The following MAP4K4 variants were observed in gnomAD, a reference collection of about 807,000 sequenced individuals.
MAP4K4 encodes HPK/GCK-like kinase HGK.
MAP4K4 carries 38 observed loss-of-function variants against 189.6 expected under a neutral mutation model. The observed-to-expected ratio is 0.20, with a 90% CI of 0.15 to 0.26. The LOEUF (loss-of-function observed/expected upper bound fraction) is 0.26. Ranked by LOEUF, MAP4K4 falls within the 10% of genes least tolerant of loss-of-function variation. MAP4K4 has a pLI of 1.00. For synonymous variants in MAP4K4, 610 were observed against 624.3 expected (o/e 0.98, Z 0.34); for missense variants, 1,054 against 1,726.9 (o/e 0.61, Z 6.91).
chr2:101,777,357 CAAG>C (rs2084782329), intron 2 of MAP4K4, among the ~76,000 whole-genome samples: 3 of 152,126 alleles, frequency 2.0e-5, no homozygotes, highest in African/African-American at 4.8e-5. Context: ...CTGCTATTGA[CAAG>C]AAGGAGTGGA....
intron 3 of MAP4K4, among the ~76,000 whole-genome samples, chr2:101,821,077 G>A (rs2096022808): frequency 6.6e-6 from 1 of 151,876 alleles, no homozygotes; most frequent in Admixed American, 6.6e-5. Context: ...GAATTAAGAT[G>A]GTTATCTAGT....
chr2:101,887,343 C>G (rs2098502390), intron 30 of MAP4K4, 106 bp downstream of exon 30: 1 of 1,180,186 alleles, frequency 8.5e-7, no homozygotes, highest in Non-Finnish European at 1.2e-6. Flanking sequence ...TTCATTTCCC[C>G]TTGGTGTGGG....
chr2:101,814,154 C>T (rs1475707149), intron 3 of MAP4K4, among the ~76,000 whole-genome samples: 3 of 152,162 alleles, frequency 2.0e-5, no homozygotes, highest in African/African-American at 7.2e-5. Context: ...GAGTGACCTC[C>T]AGATACATGC....
chr2:101,715,275 C>G (rs1432889984), intron 2 of MAP4K4, among the ~76,000 whole-genome samples: 2 of 152,196 alleles, frequency 1.3e-5, no homozygotes, highest in African/African-American at 4.8e-5. Context: ...TTCACTCTAA[C>G]AGCCTTATTT....
At chr2:101,706,769 G>A (rs2042537471) in intron 2 of MAP4K4, among the ~76,000 whole-genome samples, 1 of 152,106 alleles carries the variant, frequency 6.6e-6, no homozygotes, top group African/African-American at 2.4e-5. Flanking sequence ...TTCCTTTTTG[G>A]TTTACTATCT....
chr2:101,716,550 T>C (rs2048519762), intron 2 of MAP4K4, among the ~76,000 whole-genome samples: 1 of 152,014 alleles, frequency 6.6e-6, no homozygotes, highest in Non-Finnish European at 1.5e-5. Context: ...TCATGGGGTT[T>C]AAAGAAGGCA....
At chr2:101,869,906 A>T (rs567565919) in intron 22 of MAP4K4, 109 bp downstream of exon 22, 132 of 1,387,440 alleles carry the variant, frequency 9.5e-5, no homozygotes, top group Middle Eastern at 2.6e-4. Context: ...AGCACTTACT[A>T]TGTAGTTCTC....
At chr2:101,859,655 C>T (rs773487036) in exon 15 of MAP4K4, 4 of 1,606,418 alleles carry the variant, frequency 2.5e-6, no homozygotes, top group Non-Finnish European at 2.6e-6. Context: ...GTGCCGATGG[C>T]GGGAGATGGA....
intron 5 of MAP4K4, among the ~76,000 whole-genome samples, chr2:101,827,036 A>C (rs921927746): frequency 5.9e-5 from 9 of 152,146 alleles, no homozygotes; most frequent in African/African-American, 2.2e-4. Context: ...TTCAGCCTTC[A>C]AAGACATCAA....
In MAP4K4 at chr2:101,887,346, G is replaced by A. The variant is rs984425199; in HGVS notation, c.3771+109G>A. On this transcript the variant is annotated intron_variant, in intron 30 of 32. Transcript: ENST00000324219. ...CACAAGCAGGGATTCATTTCCCCTT[G>A]GTGTGGGGGTGAGTATTTAAATGAT... The A allele has an allele frequency of 2.7e-6, 3 of 1,092,300 alleles. No homozygotes were observed. In the East Asian group the frequency reaches 7.8e-5, roughly 28 times the overall value. The allele number at this position is 1,092,300 out of a possible 1,614,324, so 67.7% of individuals were successfully genotyped here. A position where few individuals can be genotyped will look rare whatever the true frequency, so the allele number is the denominator to read the frequency against.
At chr2:101,884,522 T>C (rs1291225728) in intron 28 of MAP4K4, among the ~76,000 whole-genome samples, 1 of 152,190 alleles carries the variant, frequency 6.6e-6, no homozygotes, top group Non-Finnish European at 1.5e-5. Context: ...AGCGGTGTGA[T>C]GTTAGCTTGT....
intron 9 of MAP4K4, among the ~76,000 whole-genome samples, chr2:101,837,721 T>C (rs1395028009): frequency 6.6e-6 from 1 of 152,228 alleles, no homozygotes; most frequent in African/African-American, 2.4e-5. Flanking sequence ...TCAGATTTTG[T>C]TGACAGAAGT....
intron 2 of MAP4K4, among the ~76,000 whole-genome samples, chr2:101,738,995 G>A (rs570572509): frequency 2.6e-5 from 4 of 152,192 alleles, no homozygotes; most frequent in African/African-American, 7.2e-5. Context: ...ACTGCTGGCC[G>A]TCATTATTCC....
At chr2:101,875,103 A>T (rs1479651744) in intron 26 of MAP4K4, among the ~76,000 whole-genome samples, 1 of 152,220 alleles carries the variant, frequency 6.6e-6, no homozygotes, top group Non-Finnish European at 1.5e-5. Flanking sequence ...TGTAAAATAG[A>T]ACCTTTGAAA....
At chr2:101,892,845 A>G (rs763291123) in exon 33 of MAP4K4, 7 of 455,274 alleles carry the variant, frequency 1.5e-5, no homozygotes, top group Middle Eastern at 3.3e-4. Flanking sequence ...AGCTCCCGTA[A>G]GGATATTACC....
Position 101,828,629 on chromosome 2 carries a change from C to T in MAP4K4, c.418-875C>T, listed in dbSNP as rs1428550580. On this transcript the variant is annotated intron_variant, in intron 5 of 32. Transcript: ENST00000324219. ...ACAAAGTAATGATAACAATAAAACC[C>T]CATGAAAAAAGAATAAACAGGAAAA... 2.6e-5 allele frequency among the ~76,000 whole-genome samples: 4 copies of T among 152,154 alleles called. No individual in the cohort carries two copies. In the East Asian group the frequency reaches 7.7e-4, roughly 29 times the overall value.
exon 33 of MAP4K4, chr2:101,892,552 T>C (rs1426496190): frequency 3.0e-5 from 8 of 267,690 alleles, no homozygotes; most frequent in Non-Finnish European, 5.9e-5. Flanking sequence ...ACACAAACTG[T>C]TCAGTGTTGC....
At chr2:101,847,462 C>T (rs1576684314) in intron 12 of MAP4K4, among the ~76,000 whole-genome samples, 3 of 152,120 alleles carry the variant, frequency 2.0e-5, no homozygotes, top group South Asian at 4.1e-4. Flanking sequence ...GAAGACTCTC[C>T]AATGGGACAA....
In MAP4K4 at chr2:101,779,314, A is replaced by G. The variant is rs532791795; in HGVS notation, c.124-11406A>G. The stretch of plus-strand genomic sequence containing the variant: ...TGTAATGTGATTATTGCATGGCCTC[A>G]TTATGCAGAGTAGTCAGGGAAGGTG... On this transcript the variant is annotated intron_variant, in intron 2 of 32. Coordinates refer to ENST00000324219, the Ensembl canonical transcript of MAP4K4. Among the ~76,000 whole-genome samples the G allele has an allele frequency of 2.0e-5, 3 of 152,258 alleles. No homozygotes were observed. The South Asian group carries it at 6.2e-4, about 32-fold the overall frequency.
Sources: gnomAD v4.1 joint callset for allele counts (sites outside exome capture counted in the v4.1 genomes callset) on GRCh38, gnomAD v4.1.1 for gene constraint, MANE v1.5 for transcripts, NCBI Gene and HGNC (gene_info 2026-07-23, HGNC 2026-07-21) for gene names.